AGO3: variants seen among roughly 807,000 people sequenced by gnomAD.
The protein encoded by AGO3 is argonaute RISC catalytic component 3, also known as protein argonaute-3.
Under a neutral mutation model 105.5 loss-of-function variants are expected in AGO3, and 16 were observed. The observed-to-expected ratio is 0.15, with a 90% confidence interval of 0.10 to 0.23. The LOEUF is 0.23. Among genes scored for constraint, AGO3 ranks in the 10% least tolerant of loss-of-function variants. The pLI, the probability that AGO3 is intolerant of heterozygous loss-of-function variation, is 1.00. For missense variants in AGO3, 534 were observed against 1,088.0 expected (o/e 0.49, Z 7.16); for synonymous variants, 340 against 367.3 (o/e 0.93, Z 0.85).
intron 1 of AGO3, among the ~76,000 whole-genome samples, chr1:35,935,644 G>T (rs778989932): frequency 6.6e-6 from 1 of 152,232 alleles, no homozygotes; most frequent in Admixed American, 6.5e-5. Context: ...TTTCCTGGAA[G>T]AATTCTCTGT....
chr1:36,010,905 A>G (rs1427070694), intron 9 of AGO3, among the ~76,000 whole-genome samples: 1 of 142,940 alleles, frequency 7.0e-6, no homozygotes, highest in African/African-American at 2.5e-5. Flanking sequence ...AAACTCTGTC[A>G]AAAAAAAAAA....
At chr1:36,003,704 A>AT in intron 5 of AGO3, among the ~76,000 whole-genome samples, 1 of 128,214 alleles carries the variant, frequency 7.8e-6, no homozygotes, top group African/African-American at 2.9e-5. Flanking sequence ...CAAAAAAAAA[A>AT]AAAAAATATA....
At chr1:36,009,148 G>A (rs1640473504) in intron 8 of AGO3, 104 bp downstream of exon 8, 1 of 1,305,240 alleles carries the variant, frequency 7.7e-7, no homozygotes, top group African/African-American at 1.6e-5. Context: ...TTTGGAATAT[G>A]AACTGTTTTT....
intron 1 of AGO3, among the ~76,000 whole-genome samples, chr1:35,933,533 TTGG>T (rs1450718524): frequency 1.3e-5 from 2 of 149,914 alleles, no homozygotes; most frequent in African/African-American, 2.5e-5. Context: ...TCCTAGCTAC[TTGG>T]GAGGCTGAGG....
intron 2 of AGO3, 109 bp downstream of exon 2, chr1:35,945,972 A>G: frequency 8.9e-7 from 1 of 1,117,738 alleles, no homozygotes; most frequent in South Asian, 2.0e-5. Flanking sequence ...AGTTTGACCA[A>G]AAACATCTGG....
Position 36,009,049 on chromosome 1 carries a change from T to C in AGO3, c.1029+5T>C. ...CACACCTACCTGCCACTAGAAGTAA[T>C]GCCTTCACACTGCTAATTAATACCC... is the stretch of plus-strand genomic sequence containing the variant. On this transcript the variant is annotated splice_donor_5th_base_variant and intron_variant, in intron 8 of 18. Coordinates refer to ENST00000373191, the MANE Select transcript of AGO3 (RefSeq NM_024852.4). The C allele has an allele frequency of 6.5e-7, 1 of 1,535,482 alleles. No homozygotes were observed. Among genetic ancestry groups the C allele is most frequent in the South Asian group, 1.2e-5 (1 of 80,538 alleles).
At chr1:36,052,550 G>A (rs1254193744) in intron 17 of AGO3, among the ~76,000 whole-genome samples, 1 of 152,054 alleles carries the variant, frequency 6.6e-6, no homozygotes, top group Non-Finnish European at 1.5e-5. Context: ...GAGTGGGTTT[G>A]GAATTTTCCT....
intron 5 of AGO3, among the ~76,000 whole-genome samples, chr1:35,973,818 T>C (rs1231586628): frequency 6.6e-6 from 1 of 152,198 alleles, no homozygotes; most frequent in Non-Finnish European, 1.5e-5. Flanking sequence ...CATTTTATTA[T>C]GAAATATATA....
At chr1:36,045,517 C>T (rs1165980146) in intron 17 of AGO3, among the ~76,000 whole-genome samples, 2 of 150,948 alleles carry the variant, frequency 1.3e-5, no homozygotes, top group African/African-American at 2.4e-5. Context: ...CCACCATGTC[C>T]GACCTTTTTT....
intron 11 of AGO3, among the ~76,000 whole-genome samples, chr1:36,024,628 C>G (rs893434910): frequency 6.6e-6 from 1 of 152,184 alleles, no homozygotes; most frequent in African/African-American, 2.4e-5. Context: ...GAAAGCTACT[C>G]TGAAATGTTT....
rs970303870 is a variant in AGO3, at chr1:36,057,333, A to AT, written c.*1594dup. On this transcript the variant is annotated 3_prime_UTR_variant, in exon 19 of 19. Coordinates refer to ENST00000373191, the MANE Select transcript of AGO3 (RefSeq NM_024852.4). ...TCATACCTTAATGTGATTTTCATAT[A>AT]TTTTTTATATATATATATGTATGTG... 1.3e-5 allele frequency: 2 copies of AT among 151,570 alleles called. No individual in the cohort carries two copies. The highest frequency in any genetic ancestry group is 3.9e-4 in the East Asian group (2 of 5,172). 9.4% of individuals were successfully genotyped at this position (151,570 alleles called of 1,614,324 possible). A position where few individuals can be genotyped will look rare whatever the true frequency, so the allele number is the denominator to read the frequency against.
In AGO3 at chr1:36,070,202, C is replaced by G. The variant is rs1425751722; in HGVS notation, c.*14457C>G. On this transcript the variant is annotated 3_prime_UTR_variant, in exon 19 of 19. Coordinates refer to ENST00000373191, the MANE Select transcript of AGO3 (RefSeq NM_024852.4). ...CCTGTTTCTTGGCCGATTTTTGGTA[C>G]CTTTCTTTGAAGAAGAGGGTTAGAT... 6.6e-6 allele frequency: 1 copy of G among 152,168 alleles called. No individual in the cohort carries two copies. The highest frequency in any genetic ancestry group is 1.5e-5 in the Non-Finnish European group (1 of 68,024). 9.4% of individuals were successfully genotyped at this position (152,168 alleles called of 1,614,324 possible). A position where few individuals can be genotyped will look rare whatever the true frequency, so the allele number is the denominator to read the frequency against.
At chr1:36,045,740 A>G (rs1569927959) in intron 17 of AGO3, among the ~76,000 whole-genome samples, 1 of 151,972 alleles carries the variant, frequency 6.6e-6, no homozygotes, top group African/African-American at 2.4e-5. Flanking sequence ...ATGAGGTTTC[A>G]CCATGTTGGC....
At chr1:36,012,823 A>G (rs1640685750) in intron 9 of AGO3, among the ~76,000 whole-genome samples, 1 of 152,026 alleles carries the variant, frequency 6.6e-6, no homozygotes, top group African/African-American at 2.4e-5. Context: ...GTTCCCAGCT[A>G]TCTAGGAGGC....
chr1:36,003,682 G>A (rs1382463095), intron 5 of AGO3, among the ~76,000 whole-genome samples: 5 of 98,070 alleles, frequency 5.1e-5, no homozygotes, highest in Admixed American at 1.2e-4. Context: ...AAACAAGAGT[G>A]AAAGTCTGTC....
At chr1:36,045,967 C>T (rs1334932316) in intron 17 of AGO3, among the ~76,000 whole-genome samples, 2 of 152,158 alleles carry the variant, frequency 1.3e-5, no homozygotes. Context: ...AAACACTGAG[C>T]CTCCACTACT....
At position 36,060,094 on chromosome 1, in the gene AGO3, A is replaced by T. The variant is rs1339982141; in HGVS notation, c.*4349A>T. ...ATTCCTAGAAGAGAGTCTAGCAGGG[A>T]TTCTAGTAGGAATTACTGAGTGTTT... On this transcript the variant is annotated 3_prime_UTR_variant, in exon 19 of 19. Coordinates refer to ENST00000373191, the MANE Select transcript of AGO3 (RefSeq NM_024852.4). 1 of 152,190 alleles carries T rather than the reference A, an allele frequency of 6.6e-6. No homozygotes were observed. Among genetic ancestry groups the T allele is most frequent in the African/African-American group, 2.4e-5 (1 of 41,444 alleles). 9.4% of individuals were successfully genotyped at this position (152,190 alleles called of 1,614,324 possible). A position where few individuals can be genotyped will look rare whatever the true frequency, so the allele number is the denominator to read the frequency against.
At chr1:35,980,501 T>G (rs1288493945) in intron 5 of AGO3, among the ~76,000 whole-genome samples, 1 of 152,258 alleles carries the variant, frequency 6.6e-6, no homozygotes, top group Non-Finnish European at 1.5e-5. Flanking sequence ...GAAATTTTTC[T>G]GGTCATTTGT....
Position 36,013,703 on chromosome 1 carries a change from A to C in AGO3, c.1223A>C (p.His408Pro), listed in dbSNP as rs1233026257. 2 of 1,614,106 alleles carry C rather than the reference A, an allele frequency of 1.2e-6. No individual in the cohort carries two copies. Among genetic ancestry groups the C allele is most frequent in the Admixed American group, 1.7e-5 (1 of 59,998 alleles). Residue 408 changes from histidine to proline, a missense_variant, in exon 10 of 19, where the codon CAT (histidine) becomes CCT (proline). Physicochemically the swap from His to Pro is moderately conservative, Grantham distance 77. Transcript: ENST00000373191. ...FQFKVRDEMA[H>P]VTGRVLPAPM... ...TTTAAAGTTCGGGATGAAATGGCTC[A>C]TGTAACTGGACGCGTACTTCCAGCA...
Sources: allele counts gnomAD v4.1 joint callset (sites outside exome capture counted in the v4.1 genomes callset), GRCh38; gene constraint gnomAD v4.1.1; transcripts MANE v1.5; gene names NCBI Gene and HGNC (gene_info 2026-07-23, HGNC 2026-07-21).